The following TSPAN12 variants were observed in gnomAD, a reference collection of about 807,000 sequenced individuals.
The protein encoded by TSPAN12 is tetraspanin 12, also known as tetraspanin-12.
A neutral mutation model predicts 39.2 loss-of-function variants in TSPAN12; 19 were observed. The observed-to-expected ratio is 0.49, with a 90% CI of 0.34 to 0.71. The LOEUF (loss-of-function observed/expected upper bound fraction) is 0.71, where lower values mean the gene tolerates loss of function less well. TSPAN12 is among the 30% of genes least tolerant of loss of function. The pLI, the probability that TSPAN12 is intolerant of heterozygous loss-of-function variation, is 0.01. For synonymous variants in TSPAN12, 119 were observed against 124.8 expected (o/e 0.95, Z 0.31); for missense variants, 314 against 359.9 (o/e 0.87, Z 1.03).
intron 2 of TSPAN12, among the ~76,000 whole-genome samples, chr7:120,849,785 T>C (rs1794736977): frequency 6.6e-6 from 1 of 152,246 alleles, no homozygotes; most frequent in African/African-American, 2.4e-5. Context: ...CTCCTAGGCA[T>C]GATCATAGCT....
intron 7 of TSPAN12, among the ~76,000 whole-genome samples, chr7:120,804,856 G>A (rs1793839083): frequency 6.6e-6 from 1 of 152,072 alleles, no homozygotes; most frequent in Non-Finnish European, 1.5e-5. Flanking sequence ...AACACCATGT[G>A]AAGATGAAAC....
intron 7 of TSPAN12, among the ~76,000 whole-genome samples, chr7:120,799,907 TTTA>T (rs1793730931): frequency 1.4e-5 from 2 of 143,110 alleles, no homozygotes; most frequent in Non-Finnish European, 3.0e-5. Context: ...ATTTAATATA[TTTA>T]TTATATTAAA....
intron 4 of TSPAN12, among the ~76,000 whole-genome samples, chr7:120,827,005 G>C (rs189214090): frequency 6.6e-6 from 1 of 152,138 alleles, no homozygotes; most frequent in Non-Finnish European, 1.5e-5. Context: ...TTATAGGCGT[G>C]AGCCATTACA....
At chr7:120,837,799 G>C (rs924584467) in intron 4 of TSPAN12, among the ~76,000 whole-genome samples, 1 of 152,182 alleles carries the variant, frequency 6.6e-6, no homozygotes, top group African/African-American at 2.4e-5. Context: ...GAGTGTGTGG[G>C]AGCTGGCTCC....
At position 120,787,526 on chromosome 7, in the gene TSPAN12, G is replaced by A. The variant is rs1363567205; in HGVS notation, c.*1066C>T. ...ACAAAGAATCTCTAAATTGTCACAT[G>A]TTTTAATGATTCTCACAAGCATTTT... On this transcript the variant is annotated 3_prime_UTR_variant, in exon 8 of 8. Transcript: ENST00000222747. The A allele has an allele frequency of 1.3e-5, 2 of 152,134 alleles. No homozygotes were observed. Among genetic ancestry groups the A allele is most frequent in the African/African-American group, 2.4e-5 (1 of 41,172 alleles). The allele number at this position is 152,134 out of a possible 1,614,324, so 9.4% of individuals were successfully genotyped here.
chr7:120,852,480 C>T (rs901806195), intron 2 of TSPAN12, among the ~76,000 whole-genome samples: 1 of 152,176 alleles, frequency 6.6e-6, no homozygotes, highest in Non-Finnish European at 1.5e-5. Flanking sequence ...AGTATTAAAG[C>T]CTTGCTCCTC....
intron 7 of TSPAN12, among the ~76,000 whole-genome samples, chr7:120,795,186 C>G (rs925267084): frequency 6.6e-6 from 1 of 152,088 alleles, no homozygotes; most frequent in African/African-American, 2.4e-5. Context: ...TTGCTTTTCT[C>G]AAAATAAAAC....
At chr7:120,806,920 A>T (rs890782141) in intron 6 of TSPAN12, among the ~76,000 whole-genome samples, 2 of 152,100 alleles carry the variant, frequency 1.3e-5, no homozygotes, top group African/African-American at 4.8e-5. Context: ...ACACATAAAA[A>T]CAAATCAGGC....
At chr7:120,789,803 T>A (rs1019511296) in intron 7 of TSPAN12, among the ~76,000 whole-genome samples, 3 of 152,110 alleles carry the variant, frequency 2.0e-5, no homozygotes, top group Non-Finnish European at 4.4e-5. Flanking sequence ...CTTGCACAGG[T>A]GAATGCCAGC....
intron 4 of TSPAN12, among the ~76,000 whole-genome samples, chr7:120,830,708 G>A (rs1290108742): frequency 6.6e-6 from 1 of 152,042 alleles, no homozygotes; most frequent in Non-Finnish European, 1.5e-5. Context: ...GACAATGCAT[G>A]AGAAGAACTC....
chr7:120,834,064 C>G (rs1016453556), intron 4 of TSPAN12, among the ~76,000 whole-genome samples: 2 of 152,004 alleles, frequency 1.3e-5, no homozygotes, highest in African/African-American at 4.8e-5. Context: ...TATTCTTAAA[C>G]CCCTCATATA....
chr7:120,816,852 A>G (rs1794093491), intron 4 of TSPAN12, among the ~76,000 whole-genome samples: 1 of 152,176 alleles, frequency 6.6e-6, no homozygotes, highest in Admixed American at 6.6e-5. Flanking sequence ...AGGAGGCATG[A>G]AGCGAGCAGC....
At position 120,838,892 on chromosome 7, in the gene TSPAN12, A is replaced by T; in HGVS notation, c.170T>A (p.Leu57Ter). The change falls in exon 4 of 8, where the codon TTG becomes TAG. Residue 57 changes from leucine (L) to a stop codon, truncating the protein, a stop_gained. Transcript: ENST00000222747. LOFTEE classifies it high-confidence loss of function. Reference sequence around the variant, plus strand: ...CGGATGAACCACAGGAAAGTAAGTCAAAATGACTGCTTCCTCTACCCTGAA... The same window carrying T: ...CGGATGAACCACAGGAAAGTAAGTCTAAATGACTGCTTCCTCTACCCTGAA... ...AETRVEEAVI[L>*]TYFPVVHPVM... is the part of the protein sequence containing the mutation. 6.2e-7 allele frequency: 1 copy of T among 1,614,060 alleles called. No homozygotes were observed. The highest frequency in any genetic ancestry group is 8.5e-7 in the Non-Finnish European group (1 of 1,179,950).
chr7:120,839,607 T>C (rs1794540397), intron 3 of TSPAN12, among the ~76,000 whole-genome samples: 1 of 152,260 alleles, frequency 6.6e-6, no homozygotes, highest in Middle Eastern at 3.4e-3. Context: ...TTGTCCCCTG[T>C]GATGTTAGTA....
At chr7:120,800,601 C>A (rs1194336997) in intron 7 of TSPAN12, among the ~76,000 whole-genome samples, 1 of 152,050 alleles carries the variant, frequency 6.6e-6, no homozygotes, top group African/African-American at 2.4e-5. Context: ...CTCTGACCCC[C>A]AACCTGTTCC....
At position 120,806,595 on chromosome 7, in the gene TSPAN12, C is replaced by T. The variant is rs1335735639; in HGVS notation, c.566G>A (p.Cys189Tyr). The change falls in exon 7 of 8, where the codon TGT becomes TAT. Residue 189 changes from cysteine (C) to tyrosine (Y), a missense_variant. By Grantham distance (194) the Cys-to-Tyr change is radical. Transcript: ENST00000222747. ...ATCTTCCTGGTGGGCCTGTTTGGAA[C>T]ATCCTGGGAATTCTCTAACACAGCA... is the stretch of plus-strand genomic sequence containing the variant. ...DSCCVREFPGCSKQAHQEDLS... is the reference protein window; with the variant it reads ...DSCCVREFPGYSKQAHQEDLS... The T allele has an allele frequency of 3.7e-6, 6 of 1,613,542 alleles. No homozygotes were observed. Among genetic ancestry groups the T allele is most frequent in the Non-Finnish European group, 5.1e-6 (6 of 1,179,638 alleles).
intron 4 of TSPAN12, among the ~76,000 whole-genome samples, chr7:120,824,305 G>A (rs1447401377): frequency 6.6e-6 from 1 of 151,224 alleles, no homozygotes; most frequent in Non-Finnish European, 1.5e-5. Flanking sequence ...AGCTGGGCAT[G>A]ATGGCACACC....
chr7:120,825,505 T>C (rs996903), intron 4 of TSPAN12, among the ~76,000 whole-genome samples: 60,051 of 152,022 alleles, frequency 0.4, 14,215 homozygotes, highest in African/African-American at 0.67. Context: ...ACATAGCCAA[T>C]ACTTTTAATA....
chr7:120,825,190 A>G (rs1794261676), intron 4 of TSPAN12, among the ~76,000 whole-genome samples: 1 of 152,200 alleles, frequency 6.6e-6, no homozygotes, highest in African/African-American at 2.4e-5. Flanking sequence ...TAATTCACCA[A>G]GTATCACAGA....
Sources: gnomAD v4.1 joint callset for allele counts (sites outside exome capture counted in the v4.1 genomes callset) on GRCh38, gnomAD v4.1.1 for gene constraint, MANE v1.5 for transcripts, NCBI Gene and HGNC (gene_info 2026-07-23, HGNC 2026-07-21) for gene names.